MEIS1: variants seen among roughly 807,000 people sequenced by gnomAD.
MEIS1 encodes homeobox protein Meis1.
A neutral mutation model predicts 50.8 loss-of-function variants in MEIS1; 5 were observed. That is an observed-to-expected ratio of 0.10 (90% CI 0.05 to 0.21). MEIS1 has a LOEUF of 0.21. Ranked by LOEUF, MEIS1 falls within the 10% of genes least tolerant of loss-of-function variation. The probability of loss-of-function intolerance (pLI) is 1.00; values close to 1 mark genes in which losing one functional copy is unlikely to be tolerated. For missense variants in MEIS1, 318 were observed against 517.3 expected, an observed-to-expected ratio of 0.61 and a Z score of 3.74; for synonymous variants, 176 against 179.3, an observed-to-expected ratio of 0.98 and a Z score of 0.15.
At chr2:66,483,932 C>T (rs1173365729) in intron 7 of MEIS1, among the ~76,000 whole-genome samples, 3 of 152,108 alleles carry the variant, frequency 2.0e-5, no homozygotes, top group Non-Finnish European at 4.4e-5. Context: ...CATCTGGTCA[C>T]AATAACCTTT....
At chr2:66,469,782 A>G (rs1317695519) in intron 7 of MEIS1, among the ~76,000 whole-genome samples, 1 of 152,150 alleles carries the variant, frequency 6.6e-6, no homozygotes, top group African/African-American at 2.4e-5. Flanking sequence ...TCCTATGGAC[A>G]ACTTGAGAGT....
chr2:66,503,463 C>T (rs1673605745), intron 7 of MEIS1, among the ~76,000 whole-genome samples: 1 of 152,196 alleles, frequency 6.6e-6, no homozygotes, highest in South Asian at 2.1e-4. Flanking sequence ...TCACTCCAGC[C>T]TAAGTGAAGT....
chr2:66,571,508 C>A lies in MEIS1; in HGVS notation c.*300C>A. The A allele has an allele frequency of 1.3e-6, 2 of 1,572,048 alleles. No individual in the cohort carries two copies. Among genetic ancestry groups the A allele is most frequent in the South Asian group, 1.2e-5 (1 of 86,022 alleles). ...GAGACCCAACAATGAGTGGACAAGT[C>A]ATGGACATTCATGCTCAGTAGCTTA... On this transcript the variant is annotated 3_prime_UTR_variant, in exon 13 of 13. Transcript: ENST00000272369.
chr2:66,464,627 G>T (rs1450231861), intron 7 of MEIS1, among the ~76,000 whole-genome samples: 2 of 152,170 alleles, frequency 1.3e-5, no homozygotes, highest in Non-Finnish European at 2.9e-5. Context: ...TGCTTATAAG[G>T]CTGTGAGCCC....
chr2:66,567,399 AC>A (rs1004789339), intron 9 of MEIS1, 53 bp from the exon 10 acceptor site: 7 of 1,564,806 alleles, frequency 4.5e-6, no homozygotes, highest in East Asian at 2.3e-5. Context: ...CTCTTCCTCA[AC>A]CCCCCCTTTT....
At chr2:66,530,734 C>T (rs1674372035) in intron 8 of MEIS1, among the ~76,000 whole-genome samples, 2 of 152,082 alleles carry the variant, frequency 1.3e-5, no homozygotes, top group African/African-American at 2.4e-5. Flanking sequence ...AAAATTAGTA[C>T]CATGGGGAAC....
At chr2:66,535,663 T>C (rs4452126) in intron 8 of MEIS1, among the ~76,000 whole-genome samples, 149,317 of 152,294 alleles carry the variant, frequency 0.98, 73,271 homozygotes, top group Middle Eastern at 1. Context: ...CTATAATCCA[T>C]TCTGGAGACA....
intron 7 of MEIS1, among the ~76,000 whole-genome samples, chr2:66,473,274 A>G (rs1672806197): frequency 6.7e-6 from 1 of 149,400 alleles, no homozygotes; most frequent in Non-Finnish European, 1.5e-5. Context: ...GCTAGTTGGG[A>G]GGCTGAGGCA....
intron 7 of MEIS1, among the ~76,000 whole-genome samples, chr2:66,494,127 G>C (rs17568707): frequency 0.016 from 2,361 of 152,286 alleles, 33 homozygotes; most frequent in Middle Eastern, 0.075. Context: ...CAAAAAAAGA[G>C]TGGCATGATC....
chr2:66,486,107 T>C (rs973281595), intron 7 of MEIS1, among the ~76,000 whole-genome samples: 2 of 152,224 alleles, frequency 1.3e-5, no homozygotes, highest in Admixed American at 1.3e-4. Context: ...TTTAATTAGA[T>C]CCCATTTGTC....
At chr2:66,508,736 T>C (rs1008455443) in intron 7 of MEIS1, among the ~76,000 whole-genome samples, 1 of 152,246 alleles carries the variant, frequency 6.6e-6, no homozygotes, top group Non-Finnish European at 1.5e-5. Context: ...CACTAGTTGC[T>C]AAGAAGCTGT....
At chr2:66,468,948 C>T (rs62143994) in intron 7 of MEIS1, among the ~76,000 whole-genome samples, 39,696 of 152,028 alleles carry the variant, frequency 0.26, 7,236 homozygotes, top group African/African-American at 0.52. Context: ...CATTCAAAGA[C>T]TTAGTGAATT....
intron 6 of MEIS1, among the ~76,000 whole-genome samples, chr2:66,461,297 T>C (rs1672513075): frequency 1.3e-5 from 2 of 152,136 alleles, no homozygotes; most frequent in African/African-American, 4.8e-5. Context: ...GTCCATGGAT[T>C]TGGGGGGAGT....
intron 7 of MEIS1, among the ~76,000 whole-genome samples, chr2:66,503,709 T>A (rs980228835): frequency 1.3e-5 from 2 of 151,540 alleles, no homozygotes; most frequent in Non-Finnish European, 2.9e-5. Flanking sequence ...AATGACTTTA[T>A]GCAAAAGATG....
chr2:66,501,427 G>A (rs13423679), intron 7 of MEIS1, among the ~76,000 whole-genome samples: 1,689 of 151,918 alleles, frequency 0.011, 31 homozygotes, highest in African/African-American at 0.038. Context: ...TGTTTTTGCA[G>A]GGATTTTTTC....
intron 6 of MEIS1, among the ~76,000 whole-genome samples, chr2:66,447,072 A>T (rs1454825863): frequency 2.0e-5 from 3 of 152,226 alleles, no homozygotes; most frequent in African/African-American, 4.8e-5. Context: ...ACAGTCAGGG[A>T]TGAGGCAGGG....
At chr2:66,507,508 T>C (rs939480203) in intron 7 of MEIS1, among the ~76,000 whole-genome samples, 1 of 152,220 alleles carries the variant, frequency 6.6e-6, no homozygotes, top group Admixed American at 6.5e-5. Flanking sequence ...TAAAGAGCCC[T>C]CTAATAGAAA....
chr2:66,562,750 T>G (rs954205551), intron 9 of MEIS1, among the ~76,000 whole-genome samples: 1 of 152,158 alleles, frequency 6.6e-6, no homozygotes, highest in African/African-American at 2.4e-5. Context: ...GGAGATAGTT[T>G]GGTCAGAAGA....
intron 7 of MEIS1, among the ~76,000 whole-genome samples, chr2:66,487,912 T>C (rs1028413758): frequency 6.6e-6 from 1 of 152,240 alleles, no homozygotes; most frequent in Non-Finnish European, 1.5e-5. Flanking sequence ...AAGTTCCACA[T>C]AATTTCATGG....
Sources: allele counts gnomAD v4.1 joint callset (sites outside exome capture counted in the v4.1 genomes callset), GRCh38; gene constraint gnomAD v4.1.1; transcripts MANE v1.5; gene names NCBI Gene and HGNC (gene_info 2026-07-23, HGNC 2026-07-21).